ITIH2: variants seen among roughly 807,000 people sequenced by gnomAD.
ITIH2 encodes inter-alpha-trypsin inhibitor heavy chain 2, also known as inter-alpha-trypsin inhibitor heavy chain H2.
In ITIH2, 103 loss-of-function variants were observed where a neutral mutation model predicts 104.4. The ratio of observed to expected loss-of-function variants is 0.99; its 90% CI spans 0.84 to 1.16. ITIH2 has a LOEUF of 1.16. ITIH2 is among the 50% of genes most tolerant of loss of function. The probability of loss-of-function intolerance (pLI) is 0.00; values close to 1 mark genes in which losing one functional copy is unlikely to be tolerated. For missense variants in ITIH2, 1,108 were observed against 1,162.4 expected, an observed-to-expected ratio of 0.95 and a Z score of 0.68; for synonymous variants, 436 against 435.4, an observed-to-expected ratio of 1.00 and a Z score of -0.02.
intron 5 of ITIH2, among the ~76,000 whole-genome samples, chr10:7,717,222 G>T (rs897053286): frequency 6.6e-6 from 1 of 152,288 alleles, no homozygotes; most frequent in East Asian, 1.9e-4. Context: ...AAAGTGCTGG[G>T]ATTACAGGCA....
chr10:7,729,654 A>C (rs1007808298), intron 11 of ITIH2, among the ~76,000 whole-genome samples: 1 of 152,050 alleles, frequency 6.6e-6, no homozygotes, highest in Non-Finnish European at 1.5e-5. Context: ...TAATAGCTGC[A>C]TAGTATCTCA....
At chr10:7,716,431 C>A (rs1455346041) in intron 5 of ITIH2, among the ~76,000 whole-genome samples, 2 of 152,112 alleles carry the variant, frequency 1.3e-5, no homozygotes, top group East Asian at 3.9e-4. Context: ...TAAAATAAGG[C>A]CTTATGATAG....
At chr10:7,737,610 GAA>G (rs1835070714) in intron 15 of ITIH2, among the ~76,000 whole-genome samples, 2 of 114,514 alleles carry the variant, frequency 1.7e-5, no homozygotes, top group Non-Finnish European at 3.3e-5. Flanking sequence ...ATATTCTATA[GAA>G]TATTCTATAT....
intron 12 of ITIH2, 101 bp from the exon 13 acceptor site, chr10:7,731,710 G>T (rs548384680): frequency 2.3e-6 from 2 of 863,362 alleles, no homozygotes; most frequent in African/African-American, 1.7e-5. Flanking sequence ...GGGCAACAGA[G>T]TGAGACATCG....
intron 5 of ITIH2, among the ~76,000 whole-genome samples, chr10:7,717,057 ATTTCT>A (rs1223139936): frequency 1.3e-5 from 2 of 150,994 alleles, no homozygotes; most frequent in Non-Finnish European, 2.9e-5. Flanking sequence ...TGGTTCAAGC[ATTTCT>A]CCTGCCTCAG....
At chr10:7,709,935 G>A (rs894773774) in intron 4 of ITIH2, among the ~76,000 whole-genome samples, 4 of 151,996 alleles carry the variant, frequency 2.6e-5, no homozygotes, top group African/African-American at 4.8e-5. Context: ...CTCACTGCAA[G>A]CTCCGCCTCC....
At chr10:7,703,546 G>C (rs372204187) in intron 1 of ITIH2, 28 bp downstream of exon 1, 1 of 1,412,576 alleles carries the variant, frequency 7.1e-7, no homozygotes, top group African/African-American at 1.4e-5. Flanking sequence ...ACTCCTTGCT[G>C]TTGGCTTGTT....
intron 16 of ITIH2, among the ~76,000 whole-genome samples, chr10:7,741,173 GTTTTTTTTT>G (rs34408370): frequency 1.0e-5 from 1 of 100,230 alleles, no homozygotes; most frequent in Non-Finnish European, 2.0e-5. Context: ...ATTGTTTAAG[GTTTTTTTTT>G]TTTTTTTTTT....
At chr10:7,747,277 C>T (rs913439672) in intron 20 of ITIH2, among the ~76,000 whole-genome samples, 1 of 152,168 alleles carries the variant, frequency 6.6e-6, no homozygotes, top group African/African-American at 2.4e-5. Flanking sequence ...CGTTTTAAAG[C>T]AGCTTACCCC....
chr10:7,732,917 C>T (rs1835017750), intron 14 of ITIH2, among the ~76,000 whole-genome samples: 3 of 151,944 alleles, frequency 2.0e-5, no homozygotes, highest in South Asian at 2.1e-4. Flanking sequence ...TTAGTAGAGA[C>T]GGGGTTTCAC....
chr10:7,747,988 C>G (rs1162096054), intron 20 of ITIH2, among the ~76,000 whole-genome samples: 1 of 151,676 alleles, frequency 6.6e-6, no homozygotes, highest in Non-Finnish European at 1.5e-5. Flanking sequence ...GGTGGATAAC[C>G]TGAGGTCAGG....
intron 20 of ITIH2, 68 bp from the exon 21 acceptor site, chr10:7,749,119 G>A (rs1835212115): frequency 3.3e-6 from 5 of 1,507,162 alleles, no homozygotes; most frequent in Non-Finnish European, 2.7e-6. Flanking sequence ...GAACAGCAAG[G>A]AAAAGAGGGA....
chr10:7,730,030 T>C lies in ITIH2; in HGVS notation c.1358T>C (p.Met453Thr). The C allele has an allele frequency of 1.2e-6, 2 of 1,612,848 alleles. No homozygotes were observed. Among genetic ancestry groups the C allele is most frequent in the African/African-American group, 1.3e-5 (1 of 75,040 alleles). ...AATATCTCCTTGTTCAGTTTGGGCATGGGATTTGATGTGGACTATGATTTT... is the reference window on the plus strand; with the variant it reads ...AATATCTCCTTGTTCAGTTTGGGCACGGGATTTGATGTGGACTATGATTTT... The part of the protein sequence containing the change: ...QDNISLFSLG[M>T]GFDVDYDFLK... The change falls in exon 12 of 21, where the codon ATG becomes ACG. Residue 453 changes from methionine (M) to threonine (T), a missense_variant. Physicochemically the swap from Met to Thr is moderately conservative, Grantham distance 81. Coordinates refer to ENST00000358415, the MANE Select transcript of ITIH2 (RefSeq NM_002216.3).
chr10:7,747,000 C>T (rs1000933744), intron 20 of ITIH2, among the ~76,000 whole-genome samples: 21 of 152,162 alleles, frequency 1.4e-4, no homozygotes, highest in African/African-American at 4.8e-4. Context: ...TAACCAGACA[C>T]GTTGATCAAA....
chr10:7,727,598 A>C, intron 10 of ITIH2, 105 bp from the exon 11 acceptor site: 1 of 1,326,126 alleles, frequency 7.5e-7, no homozygotes, highest in Non-Finnish European at 1.1e-6. Flanking sequence ...GCATGGAATA[A>C]GTGATGGATA....
chr10:7,714,842 TA>T (rs1834833033), intron 5 of ITIH2, among the ~76,000 whole-genome samples: 1 of 152,136 alleles, frequency 6.6e-6, no homozygotes, highest in Non-Finnish European at 1.5e-5. Context: ...TGAGCCCAAG[TA>T]GATTACAGCT....
intron 9 of ITIH2, among the ~76,000 whole-genome samples, chr10:7,724,452 C>G (rs1564302028): frequency 6.6e-6 from 1 of 151,370 alleles, no homozygotes; most frequent in African/African-American, 2.4e-5. Flanking sequence ...TGCCTGTAAT[C>G]CCAGCTACTC....
chr10:7,748,826 G>A (rs777397365), intron 20 of ITIH2, among the ~76,000 whole-genome samples: 12 of 151,974 alleles, frequency 7.9e-5, no homozygotes, highest in East Asian at 1.9e-4. Context: ...GATTACAGGC[G>A]TGAGCCACCA....
chr10:7,734,153 T>G (rs1835029432), intron 14 of ITIH2, among the ~76,000 whole-genome samples: 1 of 152,096 alleles, frequency 6.6e-6, no homozygotes. Flanking sequence ...CATTATGCAT[T>G]TAACCAAACC....
Sources: gnomAD v4.1 joint callset for allele counts (sites outside exome capture counted in the v4.1 genomes callset) on GRCh38, gnomAD v4.1.1 for gene constraint, MANE v1.5 for transcripts, NCBI Gene and HGNC (gene_info 2026-07-23, HGNC 2026-07-21) for gene names.